Variants in ZHX3 observed in about 807,000 individuals in gnomAD.
ZHX3 encodes the protein zinc fingers and homeoboxes protein 3.
In ZHX3, 20 loss-of-function variants were observed where a neutral mutation model predicts 64.5. The observed-to-expected ratio is 0.31, with a 90% CI of 0.22 to 0.45. ZHX3 has a LOEUF of 0.45. Ranked by LOEUF, ZHX3 falls within the 20% of genes least tolerant of loss-of-function variation. ZHX3 has a pLI of 1.00. For synonymous variants in ZHX3, 423 were observed against 461.6 expected (o/e 0.92, Z 1.07); for missense variants, 1,041 against 1,195.8 (o/e 0.87, Z 1.91).
Position 41,185,734 on chromosome 20 carries a change from G to A in ZHX3, c.2861-533C>T, listed in dbSNP as rs1211225009. Reference sequence around the variant, plus strand: ...CATCATCTGTGATTCATAAAGAAATGGTCCTTAATTGCAGCTGGCTGAGAA... The same window carrying A: ...CATCATCTGTGATTCATAAAGAAATAGTCCTTAATTGCAGCTGGCTGAGAA... On this transcript the variant is annotated intron_variant, in intron 3 of 3. Coordinates refer to ENST00000683867, the MANE Select transcript of ZHX3 (RefSeq NM_001384317.1). The surrounding 1 kb of genome is among the most constrained non-coding windows in gnomAD (Gnocchi z 5.0). The A allele has an allele frequency of 6.4e-6, 1 of 155,558 alleles. No individual in the cohort carries two copies. Among genetic ancestry groups the A allele is most frequent in the Non-Finnish European group, 1.4e-5 (1 of 70,506 alleles). 9.6% of individuals were successfully genotyped at this position (155,558 alleles called of 1,614,324 possible).
chr20:41,190,810 C>T (rs2146135694), intron 3 of ZHX3, among the ~76,000 whole-genome samples: 1 of 152,304 alleles, frequency 6.6e-6, no homozygotes, highest in African/African-American at 2.4e-5. Context: ...TTTTGCTAGA[C>T]ATAGTATCCT....
intron 1 of ZHX3, among the ~76,000 whole-genome samples, chr20:41,271,709 C>T (rs547442107): frequency 3.3e-5 from 5 of 152,338 alleles, no homozygotes; most frequent in Non-Finnish European, 7.4e-5. Context: ...AGACGCTCTT[C>T]TCAGATCATT....
rs2038258760 is a variant in ZHX3, at chr20:41,201,994, C to G, written c.2860+63G>C. 6.7e-7 allele frequency: 1 copy of G among 1,497,476 alleles called. No homozygotes were observed. Among genetic ancestry groups the G allele is most frequent in the Non-Finnish European group, 8.9e-7 (1 of 1,123,658 alleles). 92.8% of individuals were successfully genotyped at this position (1,497,476 alleles called of 1,614,324 possible). ...GCCCCTGTGCAGTAAATTCAGTGCC[C>G]AACCATAAGTGCCTCCTCCCCTTAC... On this transcript the variant is annotated intron_variant, in intron 3 of 3. Transcript: ENST00000683867. This position sits in a 1 kb window ranked among gnomAD's most constrained non-coding sequence, Gnocchi z 5.0.
chr20:41,187,244 C>T (rs867095968), intron 3 of ZHX3, among the ~76,000 whole-genome samples: 8 of 146,748 alleles, frequency 5.5e-5, no homozygotes, highest in Middle Eastern at 3.6e-3. Context: ...GGTGGGATGA[C>T]TGCTTGAGCC....
intron 3 of ZHX3, among the ~76,000 whole-genome samples, chr20:41,194,239 G>C (rs913654683): frequency 1.3e-5 from 2 of 151,990 alleles, no homozygotes; most frequent in African/African-American, 4.8e-5. Context: ...TTTCATATAT[G>C]GTCTTCATCA....
intron 2 of ZHX3, among the ~76,000 whole-genome samples, chr20:41,209,861 A>T (rs2039023585): frequency 6.6e-6 from 1 of 152,218 alleles, no homozygotes; most frequent in Non-Finnish European, 1.5e-5. Flanking sequence ...TAATTAAACT[A>T]AAGAGCTTCT....
rs540261904 is a variant in ZHX3, at chr20:41,219,218, C to T, written c.-150-14152G>A. Among the ~76,000 whole-genome samples the T allele has an allele frequency of 2.0e-5, 3 of 152,198 alleles. No homozygotes were observed. Among genetic ancestry groups the T allele is most frequent in the South Asian group, 2.1e-4 (1 of 4,824 alleles). ...TGCTGGGATTACAAGCGTCAGCCAC[C>T]GCACCTGGCCTTCCCCCTCAACTCT... On this transcript the variant is annotated intron_variant, in intron 2 of 3. Transcript: ENST00000683867. The surrounding 1 kb of genome is among the most constrained non-coding windows in gnomAD (Gnocchi z 5.0).
At chr20:41,281,429 G>C (rs1412973832) in intron 1 of ZHX3, among the ~76,000 whole-genome samples, 1 of 152,114 alleles carries the variant, frequency 6.6e-6, no homozygotes, top group African/African-American at 2.4e-5. Flanking sequence ...AAAGAAATAG[G>C]TTTAAAGCTC....
At chr20:41,295,782 C>T (rs1345561953) in intron 1 of ZHX3, among the ~76,000 whole-genome samples, 2 of 151,232 alleles carry the variant, frequency 1.3e-5, no homozygotes, top group Non-Finnish European at 2.9e-5. Context: ...ACCCGGGAGG[C>T]GGAGCTTGCA....
intron 2 of ZHX3, among the ~76,000 whole-genome samples, chr20:41,215,770 T>TAAAAAAAAAAAAAA (rs55922605): frequency 2.0e-5 from 2 of 101,160 alleles, no homozygotes; most frequent in African/African-American, 3.9e-5. Context: ...ACGTCTCTAC[T>TAAAAAAAAAAAAAA]AAAAAAAAAA....
rs1476999841 is a variant in ZHX3 at position 41,202,657 on chromosome 20, C to G, written c.2260G>C (p.Asp754His). The G allele has an allele frequency of 1.9e-6, 3 of 1,614,068 alleles. No homozygotes were observed. The highest frequency in any genetic ancestry group is 2.2e-5 in the East Asian group (1 of 44,866). ...PGLGACDPED[D>H]ESNKLAEQLP... The stretch of plus-strand genomic sequence containing the variant: ...TGCTCTGCCAGTTTGTTTGACTCAT[C>G]ATCCTCAGGGTCACAGGCACCCAGC... Residue 754 changes from aspartate to histidine, a missense_variant, in exon 3 of 4, where the codon GAT (aspartate) becomes CAT (histidine). Physicochemically the swap from Asp to His is moderately conservative, Grantham distance 81. Transcript: ENST00000683867. This position sits in a 1 kb window ranked among gnomAD's most constrained non-coding sequence, Gnocchi z 7.0.
At chr20:41,294,783 A>C (rs896210368) in intron 1 of ZHX3, among the ~76,000 whole-genome samples, 3 of 152,116 alleles carry the variant, frequency 2.0e-5, no homozygotes, top group African/African-American at 2.4e-5. Context: ...ATCTCTGCTC[A>C]CTGTAATCTC....
At chr20:41,277,588 A>T (rs1466616885) in intron 1 of ZHX3, among the ~76,000 whole-genome samples, 1 of 141,332 alleles carries the variant, frequency 7.1e-6, no homozygotes, top group African/African-American at 3.0e-5. Context: ...CCTCCATGTT[A>T]ATTTTTTTTT....
chr20:41,297,818 T>G (rs2044610650), intron 1 of ZHX3, among the ~76,000 whole-genome samples: 1 of 152,138 alleles, frequency 6.6e-6, no homozygotes, highest in Admixed American at 6.5e-5. Flanking sequence ...TGTCCAGGTG[T>G]CCAAAGGCGA....
chr20:41,256,189 T>A (rs1215199009), intron 2 of ZHX3, among the ~76,000 whole-genome samples: 2 of 152,130 alleles, frequency 1.3e-5, no homozygotes, highest in Non-Finnish European at 2.9e-5. Flanking sequence ...GAGGTAGGTG[T>A]GCTGGCTGAT....
At chr20:41,303,946 G>A (rs1300349598) in intron 1 of ZHX3, among the ~76,000 whole-genome samples, 1 of 152,216 alleles carries the variant, frequency 6.6e-6, no homozygotes, top group Non-Finnish European at 1.5e-5. Context: ...CCAAGGTAAT[G>A]TGGTGGTGGG....
At chr20:41,238,941 T>A (rs2041191862) in intron 2 of ZHX3, 1 of 151,650 alleles carries the variant, frequency 6.6e-6, no homozygotes. Context: ...GGCTTCAGGT[T>A]GAGTTTGAGT....
intron 1 of ZHX3, among the ~76,000 whole-genome samples, chr20:41,286,754 C>T (rs968937652): frequency 6.6e-6 from 1 of 152,210 alleles, no homozygotes; most frequent in African/African-American, 2.4e-5. Context: ...TCTGTGTCCC[C>T]ACCCAAATCT....
Position 41,185,444 on chromosome 20 carries a change from C to T in ZHX3, c.2861-243G>A. ...ACTCTCTGAGAGACCCTGCTAAACC[C>T]TAGGCCTAGCAGCAGGAGCAGTGGT... On this transcript the variant is annotated intron_variant, in intron 3 of 3. Transcript: ENST00000683867. The surrounding 1 kb of genome is among the most constrained non-coding windows in gnomAD (Gnocchi z 5.0). The T allele has an allele frequency of 1.7e-6, 1 of 590,032 alleles. No homozygotes were observed. Among genetic ancestry groups the T allele is most frequent in the Non-Finnish European group, 3.0e-6 (1 of 335,490 alleles). 36.5% of individuals were successfully genotyped at this position (590,032 alleles called of 1,614,324 possible).
Sources: allele counts gnomAD v4.1 joint callset (sites outside exome capture counted in the v4.1 genomes callset), GRCh38; gene constraint gnomAD v4.1.1; non-coding constraint Gnocchi (gnomAD v3.1); transcripts MANE v1.5; gene names NCBI Gene and HGNC (gene_info 2026-07-23, HGNC 2026-07-21).